NHSL2: variants seen among roughly 807,000 people sequenced by gnomAD.
NHSL2 encodes NHS-like protein 2.
Under a neutral mutation model 53.4 loss-of-function variants are expected in NHSL2, and 27 were observed. The ratio of observed to expected loss-of-function variants is 0.51; its 90% CI spans 0.37 to 0.70. The LOEUF (loss-of-function observed/expected upper bound fraction) is 0.70, where lower values mean the gene tolerates loss of function less well. Among genes scored for constraint, NHSL2 ranks in the 30% least tolerant of loss-of-function variants. The pLI, the probability that NHSL2 is intolerant of heterozygous loss-of-function variation, is 0.00. For synonymous variants in NHSL2, 408 were observed against 404.1 expected (o/e 1.01, Z -0.12); for missense variants, 892 against 980.1 (o/e 0.91, Z 1.20).
In NHSL2 at chrX:71,996,204, C is replaced by G. The variant is rs190629891; in HGVS notation, c.280+84837C>G. On this transcript the variant is annotated intron_variant, in intron 1 of 7. Coordinates refer to ENST00000633930, the MANE Select transcript of NHSL2 (RefSeq NM_001013627.3). ...TGGCCAACTGGGCTGCCATTCATGCCCCCTGGGCATGAGGGCAGAGATCCT... is the reference window on the plus strand; with the variant it reads ...TGGCCAACTGGGCTGCCATTCATGCGCCCTGGGCATGAGGGCAGAGATCCT... 6.2e-5 allele frequency among the ~76,000 whole-genome samples: 7 copies of G among 113,342 alleles called. No homozygotes were observed. In the East Asian group the frequency reaches 1.9e-3, roughly 31 times the overall value.
intron 1 of NHSL2, among the ~76,000 whole-genome samples, chrX:72,103,049 C>T (rs1339632690): frequency 8.9e-6 from 1 of 112,226 alleles, no homozygotes; most frequent in Admixed American, 9.4e-5. Flanking sequence ...GGGGACAGAG[C>T]CAAAGGGTCC....
At chrX:72,130,366 T>C (rs369299268) in intron 1 of NHSL2, 77 of 1,158,992 alleles carry the variant, frequency 6.6e-5, no homozygotes, top group Non-Finnish European at 8.7e-5. Flanking sequence ...CTCCTCCTTC[T>C]CTTCCTTCTT....
chrX:71,941,762 C>A, intron 1 of NHSL2, among the ~76,000 whole-genome samples: 1 of 112,229 alleles, frequency 8.9e-6, no homozygotes, highest in East Asian at 2.8e-4. Context: ...GAGATGGGAT[C>A]TGAACTCCAT....
intron 1 of NHSL2, chrX:72,131,142 C>A: frequency 8.6e-7 from 1 of 1,165,006 alleles, no homozygotes; most frequent in Non-Finnish European, 1.2e-6. Flanking sequence ...TTGACGCGGG[C>A]GGAGGCAGCG....
intron 1 of NHSL2, among the ~76,000 whole-genome samples, chrX:72,081,658 G>C (rs1051073944): frequency 2.7e-5 from 3 of 112,052 alleles, no homozygotes; most frequent in African/African-American, 9.7e-5. Flanking sequence ...AGACGCAGCT[G>C]CTCAAAATCC....
chrX:72,114,644 G>GT (rs1437902812), intron 1 of NHSL2, among the ~76,000 whole-genome samples: 1 of 112,515 alleles, frequency 8.9e-6, no homozygotes, highest in Non-Finnish European at 1.9e-5. Flanking sequence ...GCTGCCCTGA[G>GT]TTGAGGTGAG....
intron 1 of NHSL2, among the ~76,000 whole-genome samples, chrX:72,007,706 G>C (rs2042100190): frequency 8.8e-6 from 1 of 113,162 alleles, no homozygotes; most frequent in South Asian, 3.6e-4. Context: ...TCCTAAGGAG[G>C]GTTAAGAATC....
intron 1 of NHSL2, among the ~76,000 whole-genome samples, chrX:72,124,856 T>C (rs1264893163): frequency 8.9e-6 from 1 of 111,961 alleles, no homozygotes; most frequent in African/African-American, 3.3e-5. Flanking sequence ...ACCCTCGCCA[T>C]CCTTGTCACC....
chrX:72,006,991 G>T (rs2042097193), intron 1 of NHSL2, among the ~76,000 whole-genome samples: 1 of 112,397 alleles, frequency 8.9e-6, no homozygotes, highest in Non-Finnish European at 1.9e-5. Flanking sequence ...GGCTGGTATG[G>T]CAGGGCAAAG....
chrX:71,918,980 A>G (rs1355978526), intron 1 of NHSL2, among the ~76,000 whole-genome samples: 1 of 111,857 alleles, frequency 8.9e-6, no homozygotes, highest in Non-Finnish European at 1.9e-5. Flanking sequence ...ATTTACTACT[A>G]TATACAATAT....
At position 72,131,623 on chromosome X, in the gene NHSL2, G is replaced by A. The variant is rs979658338; in HGVS notation, c.281-456G>A. On this transcript the variant is annotated intron_variant, in intron 1 of 7. Transcript: ENST00000633930. ...GGGCGGCCGGAGGAGGCCGAAATGC[G>A]GCGGCGGGGCTCGGGAGGGACCGAA... 3 of 978,161 alleles carry A rather than the reference G, an allele frequency of 3.1e-6. No individual in the cohort carries two copies. In the East Asian group the frequency reaches 9.7e-5, roughly 31 times the overall value. 80.6% of individuals were successfully genotyped at this position (978,161 alleles called of 1,213,427 possible). A position where few individuals can be genotyped will look rare whatever the true frequency, so the allele number is the denominator to read the frequency against.
chrX:72,143,051 G>C (rs1423500346), intron 7 of NHSL2, among the ~76,000 whole-genome samples: 1 of 111,115 alleles, frequency 9.0e-6, no homozygotes, highest in Non-Finnish European at 1.9e-5. Flanking sequence ...AGTGACTCCA[G>C]CTGGGGGCAT....
chrX:71,972,115 A>G (rs2041927610), intron 1 of NHSL2, among the ~76,000 whole-genome samples: 1 of 108,802 alleles, frequency 9.2e-6, no homozygotes, highest in Admixed American at 9.8e-5. Flanking sequence ...GCTTACTGCA[A>G]CCTCCACCTC....
At chrX:72,091,541 G>A (rs771630703) in intron 1 of NHSL2, among the ~76,000 whole-genome samples, 31 of 112,228 alleles carry the variant, frequency 2.8e-4, no homozygotes, top group Non-Finnish European at 5.8e-4. Context: ...GTATATAGGA[G>A]TGCCTATTCC....
In NHSL2 at chrX:72,009,211, G is replaced by A. The variant is rs757432335; in HGVS notation, c.280+97844G>A. ...ACAGGAACTGGGAAACGGTTGCTGT[G>A]TGGAGAGAACCACCTGACGGGAGCT... On this transcript the variant is annotated intron_variant, in intron 1 of 7. Transcript: ENST00000633930. Among the ~76,000 whole-genome samples the A allele has an allele frequency of 5.3e-5, 6 of 113,084 alleles. No homozygotes were observed. In the South Asian group the frequency reaches 2.1e-3, roughly 40 times the overall value.
At chrX:71,917,798 T>G (rs1325996535) in intron 1 of NHSL2, among the ~76,000 whole-genome samples, 2 of 110,569 alleles carry the variant, frequency 1.8e-5, no homozygotes, top group African/African-American at 6.6e-5. Context: ...CCTGGATATG[T>G]GAGAGAGCTG....
At chrX:72,072,690 G>A (rs980513416) in intron 1 of NHSL2, among the ~76,000 whole-genome samples, 1 of 112,024 alleles carries the variant, frequency 8.9e-6, no homozygotes, top group South Asian at 3.7e-4. Flanking sequence ...CTGACTGACC[G>A]CCTTCCTTCA....
intron 1 of NHSL2, among the ~76,000 whole-genome samples, chrX:72,066,771 A>G (rs916397648): frequency 9.0e-6 from 1 of 111,677 alleles, no homozygotes; most frequent in Non-Finnish European, 1.9e-5. Context: ...TCTGTGGAGT[A>G]GATTAAACTA....
In NHSL2 at chrX:72,140,736, C is replaced by T; in HGVS notation, c.3188C>T (p.Pro1063Leu). The stretch of plus-strand genomic sequence containing the variant: ...CTTGGTCAAAGGGTGACTTCAACTC[C>T]TCAGGCTGACAGTGAAAGGGAGGCA... ...QSLGQRVTST[P>L]QADSEREASP... is the part of the protein sequence containing the mutation. Residue 1063 changes from proline (P) to leucine (L), a missense_variant, in exon 6 of 8, where the codon CCT becomes CTT. Coordinates refer to ENST00000633930, the MANE Select transcript of NHSL2 (RefSeq NM_001013627.3). 1 of 1,192,009 alleles carries T rather than the reference C, an allele frequency of 8.4e-7. No individual in the cohort carries two copies. The highest frequency in any genetic ancestry group is 1.1e-6 in the Non-Finnish European group (1 of 885,164).
Sources: gnomAD v4.1 joint callset for allele counts (sites outside exome capture counted in the v4.1 genomes callset) on GRCh38, gnomAD v4.1.1 for gene constraint, MANE v1.5 for transcripts, NCBI Gene and HGNC (gene_info 2026-07-23, HGNC 2026-07-21) for gene names.